Variants in PRR11 observed in about 807,000 individuals in gnomAD.
PRR11 encodes the protein proline rich 11, also known as proline-rich protein 11.
A neutral mutation model predicts 45.6 loss-of-function variants in PRR11; 30 were observed. The ratio of observed to expected loss-of-function variants is 0.66; its 90% CI spans 0.49 to 0.89. PRR11 has a LOEUF of 0.89. PRR11 is among the 40% of genes least tolerant of loss of function. The probability of loss-of-function intolerance (pLI) is 0.00; values close to 1 mark genes in which losing one functional copy is unlikely to be tolerated. For missense variants in PRR11, 373 were observed against 424.8 expected, an observed-to-expected ratio of 0.88 and a Z score of 1.07; for synonymous variants, 128 against 153.5, an observed-to-expected ratio of 0.83 and a Z score of 1.23.
At chr17:59,183,715 T>C (rs1036773352) in intron 2 of PRR11, among the ~76,000 whole-genome samples, 25 of 152,308 alleles carry the variant, frequency 1.6e-4, no homozygotes, top group Admixed American at 1.6e-3. Flanking sequence ...ATATTAAGTT[T>C]TGTATCATAT....
chr17:59,176,320 A>G (rs2046745334), intron 2 of PRR11, among the ~76,000 whole-genome samples: 1 of 152,176 alleles, frequency 6.6e-6, no homozygotes, highest in Non-Finnish European at 1.5e-5. Context: ...GACATCAGCT[A>G]AGGAAGTTGT....
At chr17:59,162,948 T>C (rs2046661079) in intron 1 of PRR11, among the ~76,000 whole-genome samples, 1 of 152,112 alleles carries the variant, frequency 6.6e-6, no homozygotes, top group South Asian at 2.1e-4. Flanking sequence ...CAGGCTGGTC[T>C]TGAACTCCCG....
At chr17:59,188,637 T>TA (rs1163077745) in intron 4 of PRR11, among the ~76,000 whole-genome samples, 1 of 152,038 alleles carries the variant, frequency 6.6e-6, no homozygotes, top group Non-Finnish European at 1.5e-5. Flanking sequence ...CAGGAAAACT[T>TA]TTTTAAAGAA....
intron 2 of PRR11, among the ~76,000 whole-genome samples, chr17:59,179,349 G>T (rs1413898505): frequency 6.6e-6 from 1 of 152,144 alleles, no homozygotes; most frequent in Non-Finnish European, 1.5e-5. Flanking sequence ...ATAGCTCACT[G>T]CAGCCTCAAA....
Position 59,195,798 on chromosome 17 carries a change from G to T in PRR11, c.857+355G>T, listed in dbSNP as rs546538109. Among the ~76,000 whole-genome samples the T allele has an allele frequency of 2.0e-5, 3 of 152,132 alleles. No individual in the cohort carries two copies. The East Asian group carries it at 5.8e-4, about 29-fold the overall frequency. ...AAAGATATACTATCAAGAATTTTAG[G>T]CTGGGAGTGGTGGGTTATGTCTGTA... is the stretch of plus-strand genomic sequence containing the variant. On this transcript the variant is annotated intron_variant, in intron 7 of 9. Coordinates refer to ENST00000262293, the MANE Select transcript of PRR11 (RefSeq NM_018304.4).
rs796231271 is a variant in PRR11 at position 59,181,769 on chromosome 17, C to T, written c.129-3285C>T. ...GGGGCTGAGTAAAGAAACCAGGCCA[C>T]CATGTAATGCTTCTGCAACTGATCA... On this transcript the variant is annotated intron_variant, in intron 2 of 9. Transcript: ENST00000262293. 55 of 1,554,544 alleles carry T rather than the reference C, an allele frequency of 3.5e-5. No homozygotes were observed. In the South Asian group the frequency reaches 5.9e-4, roughly 17 times the overall value.
At chr17:59,175,992 CAG>C (rs2046743029) in intron 2 of PRR11, among the ~76,000 whole-genome samples, 2 of 152,152 alleles carry the variant, frequency 1.3e-5, no homozygotes, top group Admixed American at 6.5e-5. Flanking sequence ...TGGGAGTAAT[CAG>C]GGCAGATGAC....
At chr17:59,159,251 G>A (rs2046640327) in intron 1 of PRR11, among the ~76,000 whole-genome samples, 1 of 152,112 alleles carries the variant, frequency 6.6e-6, no homozygotes, top group African/African-American at 2.4e-5. Context: ...GTTTCTCAAA[G>A]TTTGGTAATC....
At chr17:59,188,202 C>G (rs1385575620) in intron 4 of PRR11, among the ~76,000 whole-genome samples, 1 of 152,104 alleles carries the variant, frequency 6.6e-6, no homozygotes, top group African/African-American at 2.4e-5. Flanking sequence ...TAGTCTCTGC[C>G]ACACACAAAA....
chr17:59,200,068 T>A (rs926755282), intron 9 of PRR11, among the ~76,000 whole-genome samples: 15 of 152,272 alleles, frequency 9.9e-5, no homozygotes, highest in Admixed American at 6.5e-4. Flanking sequence ...TAAACGATAA[T>A]AAATTGTAAA....
rs1014001724 is a variant in PRR11 at position 59,205,348 on chromosome 17, A to G, written c.*3717A>G. Among the ~76,000 whole-genome samples, 31 of 151,964 alleles carry G rather than the reference A, an allele frequency of 2.0e-4. No individual in the cohort carries two copies. Among genetic ancestry groups the G allele is most frequent in the African/African-American group, 6.3e-4 (26 of 41,480 alleles). ...TTATGTTTTAAAATAAAGATTAATAAAAGTTTTGGTTTTTCTCTTTCTAAC... is the reference window on the plus strand; with the variant it reads ...TTATGTTTTAAAATAAAGATTAATAGAAGTTTTGGTTTTTCTCTTTCTAAC... On this transcript the variant is annotated 3_prime_UTR_variant, in exon 10 of 10. Transcript: ENST00000262293.
chr17:59,194,874 C>T lies in PRR11; in HGVS notation c.744+19C>T, dbSNP rs2046858215. The T allele has an allele frequency of 3.2e-6, 5 of 1,580,552 alleles. No homozygotes were observed. The highest frequency in any genetic ancestry group is 2.2e-5 in the South Asian group (2 of 89,688). ...GAGGAAGGTAAGATGTCATTGACCA[C>T]ATACATGCTCTTTTTGCTTTTAACA... On this transcript the variant is annotated intron_variant, in intron 6 of 9. Coordinates refer to ENST00000262293, the MANE Select transcript of PRR11 (RefSeq NM_018304.4).
chr17:59,174,173 GGGT>G (rs1399642569), intron 2 of PRR11, among the ~76,000 whole-genome samples: 2,800 of 152,306 alleles, frequency 0.018, 92 homozygotes, highest in African/African-American at 0.062. Context: ...CAAGGACTTT[GGGT>G]GGGTCTGCCC....
chr17:59,178,342 A>G (rs1411903289), intron 2 of PRR11: 1 of 406,266 alleles, frequency 2.5e-6, no homozygotes, highest in East Asian at 6.0e-5. Context: ...ACAAAAAGAA[A>G]AGAAGACTGT....
intron 1 of PRR11, among the ~76,000 whole-genome samples, chr17:59,167,802 T>C (rs1020265919): frequency 6.6e-6 from 1 of 152,202 alleles, no homozygotes; most frequent in African/African-American, 2.4e-5. Flanking sequence ...TAGTGTATAA[T>C]GAGCAGTAAG....
At chr17:59,193,436 C>G (rs1201683733) in intron 4 of PRR11, 56 bp from the exon 5 acceptor site, 5 of 1,602,484 alleles carry the variant, frequency 3.1e-6, no homozygotes, top group Non-Finnish European at 4.3e-6. Flanking sequence ...TGACTCTCAC[C>G]CTCAAGAATC....
At chr17:59,194,265 C>CTTCACA (rs2046853892) in intron 5 of PRR11, among the ~76,000 whole-genome samples, 1 of 90,440 alleles carries the variant, frequency 1.1e-5, no homozygotes, top group Non-Finnish European at 2.1e-5. Flanking sequence ...TCTTCCCAAT[C>CTTCACA]CTCACACACA....
Position 59,203,008 on chromosome 17 carries a change from T to C in PRR11, c.*1377T>C, listed in dbSNP as rs1394449954. On this transcript the variant is annotated 3_prime_UTR_variant, in exon 10 of 10. Coordinates refer to ENST00000262293, the MANE Select transcript of PRR11 (RefSeq NM_018304.4). ...ATGATTGTTCCACTATACTCCAGCA[T>C]TGGCAACAGAGCAAGAACTCATCTC... The C allele has an allele frequency of 6.6e-6, 1 of 152,156 alleles. No homozygotes were observed. The highest frequency in any genetic ancestry group is 1.5e-5 in the Non-Finnish European group (1 of 68,034). The allele number at this position is 152,156 out of a possible 1,614,324, so 9.4% of individuals were successfully genotyped here.
rs748012432 is a variant in PRR11 at position 59,193,762 on chromosome 17, T to G, written c.645+28T>G. On this transcript the variant is annotated intron_variant, in intron 5 of 9. Transcript: ENST00000262293. ...AGGTAACAATCTAGTAATGATATGT[T>G]TTGATATGTTTTGGTGAGTGTGTAA... The G allele has an allele frequency of 4.4e-5, 70 of 1,606,144 alleles. No homozygotes were observed. The South Asian group carries it at 7.4e-4, about 17-fold the overall frequency.
Sources: gnomAD v4.1 joint callset for allele counts (sites outside exome capture counted in the v4.1 genomes callset) on GRCh38, gnomAD v4.1.1 for gene constraint, MANE v1.5 for transcripts, NCBI Gene and HGNC (gene_info 2026-07-23, HGNC 2026-07-21) for gene names.